The following PCSK5 variants were observed in gnomAD, a reference collection of about 807,000 sequenced individuals.
PCSK5 encodes the protein prohormone convertase 5.
In PCSK5, 129 loss-of-function variants were observed where a neutral mutation model predicts 233.2. The observed-to-expected ratio is 0.55, with a 90% CI of 0.48 to 0.64. PCSK5 has a LOEUF of 0.64. PCSK5 is among the 30% of genes least tolerant of loss of function. The pLI, the probability that PCSK5 is intolerant of heterozygous loss-of-function variation, is 0.00. For missense variants in PCSK5, 2,076 were observed against 2,430.1 expected, an observed-to-expected ratio of 0.85 and a Z score of 3.06; for synonymous variants, 825 against 879.2, an observed-to-expected ratio of 0.94 and a Z score of 1.09.
chr9:76,156,590 A>G (rs111823030), intron 10 of PCSK5, among the ~76,000 whole-genome samples: 3,061 of 152,318 alleles, frequency 0.02, 93 homozygotes, highest in African/African-American at 0.066. Context: ...GAAAGCAGTG[A>G]TGTCATCACT....
chr9:75,971,636 T>C (rs1825819374), intron 2 of PCSK5, among the ~76,000 whole-genome samples: 1 of 152,222 alleles, frequency 6.6e-6, no homozygotes, highest in South Asian at 2.1e-4. Context: ...CTAACTGGTG[T>C]GAAATGGTAT....
chr9:76,082,799 C>G (rs938696565), intron 7 of PCSK5, among the ~76,000 whole-genome samples: 1 of 151,798 alleles, frequency 6.6e-6, no homozygotes, highest in Non-Finnish European at 1.5e-5. Context: ...AATTTCCTGA[C>G]AAGTGTGTTT....
At chr9:76,204,201 T>A (rs567403680) in intron 20 of PCSK5, among the ~76,000 whole-genome samples, 1 of 152,194 alleles carries the variant, frequency 6.6e-6, no homozygotes, top group African/African-American at 2.4e-5. Context: ...CTTCCCTCTA[T>A]CCCCACCATG....
chr9:75,897,508 T>C (rs1055778902), intron 1 of PCSK5, among the ~76,000 whole-genome samples: 105 of 149,764 alleles, frequency 7.0e-4, no homozygotes, highest in Admixed American at 1.8e-3. Flanking sequence ...TTTTTTTTTT[T>C]CCCGAAACGG....
intron 2 of PCSK5, among the ~76,000 whole-genome samples, chr9:75,957,812 AAAACTT>A (rs1299769192): frequency 1.3e-5 from 2 of 152,260 alleles, no homozygotes; most frequent in Non-Finnish European, 2.9e-5. Context: ...AGAAAAAATG[AAAACTT>A]TTGGAACAAT....
intron 5 of PCSK5, among the ~76,000 whole-genome samples, chr9:76,032,726 A>G (rs1828699898): frequency 6.6e-6 from 1 of 152,170 alleles, no homozygotes; most frequent in African/African-American, 2.4e-5. Context: ...CTCCCTGCAA[A>G]TGAAACAGTC....
At chr9:75,934,320 C>T (rs1255177093) in intron 2 of PCSK5, among the ~76,000 whole-genome samples, 1 of 152,206 alleles carries the variant, frequency 6.6e-6, no homozygotes, top group Non-Finnish European at 1.5e-5. Context: ...ACGGTTCCTA[C>T]CAGCTTTGCA....
chr9:76,037,750 T>C lies in PCSK5; in HGVS notation c.632+10713T>C, dbSNP rs1340411297. 1.2e-3 allele frequency among the ~76,000 whole-genome samples: 181 copies of C among 152,028 alleles called. 4 individuals carry two copies. Among genetic ancestry groups the C allele is most frequent in the Non-Finnish European group, 1.9e-4 (13 of 68,008 alleles). ...CTCTTACCCTAAGGAGGGGATGGGATAGTGAGGTTGTGTCGTACGTGGGGA... is the reference window on the plus strand; with the variant it reads ...CTCTTACCCTAAGGAGGGGATGGGACAGTGAGGTTGTGTCGTACGTGGGGA... On this transcript the variant is annotated intron_variant, in intron 5 of 37. Transcript: ENST00000674117.
At chr9:76,156,076 A>G (rs1412225163) in intron 10 of PCSK5, among the ~76,000 whole-genome samples, 1 of 152,260 alleles carries the variant, frequency 6.6e-6, no homozygotes, top group Non-Finnish European at 1.5e-5. Flanking sequence ...AAATGTTTGC[A>G]TAAAGTCATT....
chr9:76,093,269 A>AT (rs919242364), intron 7 of PCSK5, among the ~76,000 whole-genome samples: 5 of 151,056 alleles, frequency 3.3e-5, no homozygotes, highest in Non-Finnish European at 7.4e-5. Flanking sequence ...TTTCTTTTTA[A>AT]TTTTTTGTAA....
At chr9:76,346,693 C>A (rs939414633) in intron 35 of PCSK5, among the ~76,000 whole-genome samples, 2 of 152,034 alleles carry the variant, frequency 1.3e-5, no homozygotes, top group South Asian at 4.1e-4. Flanking sequence ...GGTTTTGCAA[C>A]ATACAGATAC....
intron 3 of PCSK5, among the ~76,000 whole-genome samples, chr9:76,020,600 T>C (rs1043596643): frequency 6.0e-4 from 91 of 152,292 alleles, no homozygotes; most frequent in African/African-American, 1.9e-3. Context: ...CCTCCTACCA[T>C]AGTGATGTAT....
intron 24 of PCSK5, among the ~76,000 whole-genome samples, chr9:76,255,408 T>C (rs906796113): frequency 6.6e-5 from 10 of 152,250 alleles, no homozygotes; most frequent in African/African-American, 2.4e-4. Context: ...TTTAAGATAC[T>C]GTGTTGAGAA....
chr9:75,978,373 T>C (rs1193790121), intron 2 of PCSK5, among the ~76,000 whole-genome samples: 1 of 152,216 alleles, frequency 6.6e-6, no homozygotes, highest in East Asian at 1.9e-4. Context: ...CTTGCAATTG[T>C]GAAGCACATT....
intron 15 of PCSK5, 80 bp from the exon 16 acceptor site, chr9:76,181,318 T>C: frequency 8.3e-7 from 1 of 1,211,468 alleles, no homozygotes; most frequent in Non-Finnish European, 1.2e-6. Context: ...AGCTCAGCCA[T>C]TTGCTCAGCA....
chr9:76,024,898 T>C (rs934526271), intron 4 of PCSK5, among the ~76,000 whole-genome samples: 2 of 152,204 alleles, frequency 1.3e-5, no homozygotes, highest in Non-Finnish European at 2.9e-5. Context: ...ACTTTGGTTT[T>C]GGAGATACTG....
At chr9:76,216,439 A>C (rs1442118981) in intron 20 of PCSK5, among the ~76,000 whole-genome samples, 1 of 152,204 alleles carries the variant, frequency 6.6e-6, no homozygotes, top group Non-Finnish European at 1.5e-5. Flanking sequence ...GTTAGCTCAC[A>C]ACCAATTCCT....
chr9:75,996,327 T>C (rs1343040011), intron 3 of PCSK5, among the ~76,000 whole-genome samples: 1 of 152,212 alleles, frequency 6.6e-6, no homozygotes, highest in Non-Finnish European at 1.5e-5. Flanking sequence ...AAGGATAAAA[T>C]AGTAAATGCA....
chr9:76,184,584 G>C (rs1172388770), intron 16 of PCSK5, 89 bp from the exon 17 acceptor site: 2 of 774,360 alleles, frequency 2.6e-6, no homozygotes, highest in Admixed American at 2.0e-5. Context: ...AGGTACTGTA[G>C]CATACATTAG....
Sources: allele counts gnomAD v4.1 joint callset (sites outside exome capture counted in the v4.1 genomes callset), GRCh38; gene constraint gnomAD v4.1.1; transcripts MANE v1.5; gene names NCBI Gene and HGNC (gene_info 2026-07-23, HGNC 2026-07-21).